Variants in ACRV1 observed in about 807,000 individuals in gnomAD.
ACRV1 encodes the protein acrosomal vesicle protein 1, also known as acrosomal protein SP-10.
A neutral mutation model predicts 29.2 loss-of-function variants in ACRV1; 17 were observed. The observed-to-expected ratio is 0.58, with a 90% CI of 0.40 to 0.87. The LOEUF (loss-of-function observed/expected upper bound fraction) is 0.87. ACRV1 is among the 40% of genes least tolerant of loss of function. ACRV1 has a pLI of 0.00. For missense variants in ACRV1, 294 were observed against 316.0 expected, an observed-to-expected ratio of 0.93 and a Z score of 0.53; for synonymous variants, 98 against 111.6, an observed-to-expected ratio of 0.88 and a Z score of 0.77.
intron 1 of ACRV1, among the ~76,000 whole-genome samples, chr11:125,680,516 CTG>C (rs1432654930): frequency 6.6e-6 from 1 of 152,168 alleles, no homozygotes; most frequent in Non-Finnish European, 1.5e-5. Flanking sequence ...AGAAACCAGA[CTG>C]TGCCAAGCCA....
In ACRV1 at chr11:125,680,791, G is replaced by A. The variant is rs1942763386; in HGVS notation, c.-11C>T. 1 of 1,612,922 alleles carries A rather than the reference G, an allele frequency of 6.2e-7. No homozygotes were observed. Among genetic ancestry groups the A allele is most frequent in the African/African-American group, 1.3e-5 (1 of 74,904 alleles). Reference sequence around the variant, plus strand: ...GAGAAACCTGTTCATCTGGATTTAGGAAAAGAGGGGACCCCAGTGTGGGCC... The same window carrying A: ...GAGAAACCTGTTCATCTGGATTTAGAAAAAGAGGGGACCCCAGTGTGGGCC... On this transcript the variant is annotated 5_prime_UTR_variant, in exon 1 of 4. Coordinates refer to ENST00000533904, the MANE Select transcript of ACRV1 (RefSeq NM_001612.6).
Position 125,679,264 on chromosome 11 carries a change from C to T in ACRV1, c.53-967G>A, listed in dbSNP as rs557206484. On this transcript the variant is annotated intron_variant, in intron 1 of 3. Transcript: ENST00000533904. ...ATAGAGTCTCGCTCTGTTGCCCAGG[C>T]TGGAGTACAGTGGCACAATCTTGGC... is the stretch of plus-strand genomic sequence containing the variant. Among the ~76,000 whole-genome samples the T allele has an allele frequency of 3.0e-5, 4 of 133,504 alleles. No homozygotes were observed. In the East Asian group the frequency reaches 9.0e-4, roughly 30 times the overall value. 87.6% of individuals were successfully genotyped at this position (133,504 alleles called of 152,430 possible).
intron 3 of ACRV1, 37 bp from the exon 4 acceptor site, chr11:125,672,754 T>G (rs770030153): frequency 6.2e-7 from 1 of 1,611,768 alleles, no homozygotes. Context: ...AGCAGAAAGC[T>G]TCGTCCTCCA....
Position 125,672,368 on chromosome 11 carries a change from T to A in ACRV1, c.*225A>T. 3 of 477,228 alleles carry A rather than the reference T, an allele frequency of 6.3e-6. No individual in the cohort carries two copies. Among genetic ancestry groups the A allele is most frequent in the South Asian group, 4.0e-5 (1 of 25,176 alleles). The allele number at this position is 477,228 out of a possible 1,614,324, so 29.6% of individuals were successfully genotyped here. On this transcript the variant is annotated 3_prime_UTR_variant, in exon 4 of 4. Coordinates refer to ENST00000533904, the MANE Select transcript of ACRV1 (RefSeq NM_001612.6). ...CATGTGAAATTTATTGAAAAAAAAA[T>A]CAGGAATATTGAGAGAAAGAGTTGG...
At position 125,671,539 on chromosome 11, in the gene ACRV1, T is replaced by C. The variant is rs140290041; in HGVS notation, c.*1054A>G. 140 of 152,332 alleles carry C rather than the reference T, an allele frequency of 9.2e-4. No individual in the cohort carries two copies. The highest frequency in any genetic ancestry group is 3.3e-3 in the African/African-American group (138 of 41,570). The allele number at this position is 152,332 out of a possible 1,614,324, so 9.4% of individuals were successfully genotyped here. On this transcript the variant is annotated 3_prime_UTR_variant, in exon 4 of 4. Coordinates refer to ENST00000533904, the MANE Select transcript of ACRV1 (RefSeq NM_001612.6). ...GAAGGGGTCATGATGTGTATATATG[T>C]TGAAATTTTAAATTTTATATACAGT...
At position 125,672,389 on chromosome 11, in the gene ACRV1, G is replaced by C; in HGVS notation, c.*204C>G. 1 of 557,330 alleles carries C rather than the reference G, an allele frequency of 1.8e-6. No homozygotes were observed. Among genetic ancestry groups the C allele is most frequent in the South Asian group, 3.1e-5 (1 of 31,924 alleles). 34.5% of individuals were successfully genotyped at this position (557,330 alleles called of 1,614,324 possible). A position where few individuals can be genotyped will look rare whatever the true frequency, so the allele number is the denominator to read the frequency against. On this transcript the variant is annotated 3_prime_UTR_variant, in exon 4 of 4. Transcript: ENST00000533904. ...AAAATCAGGAATATTGAGAGAAAGA[G>C]TTGGAGCAGGGAAGACAGGACAGAG...
chr11:125,678,288 C>A lies in ACRV1; in HGVS notation c.62G>T (p.Ser21Ile). 6.2e-7 allele frequency: 1 copy of A among 1,613,532 alleles called. No homozygotes were observed. Among genetic ancestry groups the A allele is most frequent in the South Asian group, 1.1e-5 (1 of 91,020 alleles). The change falls in exon 2 of 4, where the codon AGT (serine) becomes ATT (isoleucine). Residue 21 changes from serine (S) to isoleucine (I), a missense_variant. Coordinates refer to ENST00000533904, the MANE Select transcript of ACRV1 (RefSeq NM_001612.6). ...GGAGCCAGAAAGCTCATTAGGCTGA[C>A]TTGATGTTCCTGGGATGGAGAAGGA... ...YLLGSARGTS[S>I]QPNELSGSID...
chr11:125,678,997 T>TATATATATATATATATATAG (rs1446760515), intron 1 of ACRV1, among the ~76,000 whole-genome samples: 1 of 142,290 alleles, frequency 7.0e-6, no homozygotes. Flanking sequence ...TATATATATA[T>TATATATATATATATATATAG]AGACACACAC....
chr11:125,680,817 A>T lies in ACRV1; in HGVS notation c.-37T>A. The T allele has an allele frequency of 6.4e-7, 1 of 1,573,274 alleles. No homozygotes were observed. Among genetic ancestry groups the T allele is most frequent in the Non-Finnish European group, 8.7e-7 (1 of 1,144,288 alleles). Reference sequence around the variant, plus strand: ...AAAAGAGGGGACCCCAGTGTGGGCCACAGCTTCTTCACAGAGCTATGAAGC... The same window carrying T: ...AAAAGAGGGGACCCCAGTGTGGGCCTCAGCTTCTTCACAGAGCTATGAAGC... On this transcript the variant is annotated 5_prime_UTR_variant, in exon 1 of 4. Coordinates refer to ENST00000533904, the MANE Select transcript of ACRV1 (RefSeq NM_001612.6).
At chr11:125,676,617 C>A in intron 2 of ACRV1, 139 bp from the exon 3 acceptor site, 1 of 1,111,778 alleles carries the variant, frequency 9.0e-7, no homozygotes, top group Non-Finnish European at 1.3e-6. Context: ...GGGATCTGGG[C>A]CCTGTGTCTG....
chr11:125,680,675 T>G, intron 1 of ACRV1, 54 bp downstream of exon 1: 1 of 1,503,500 alleles, frequency 6.7e-7, no homozygotes, highest in Non-Finnish European at 9.1e-7. Context: ...AGGCCTGAAA[T>G]GTCTTAAGGG....
chr11:125,680,630 G>T lies in ACRV1; in HGVS notation c.52+99C>A, dbSNP rs995351595. The T allele has an allele frequency of 7.3e-6, 8 of 1,102,858 alleles. No homozygotes were observed. In the African/African-American group the frequency reaches 7.9e-5, roughly 11 times the overall value. The allele number at this position is 1,102,858 out of a possible 1,614,324, so 68.3% of individuals were successfully genotyped here. ...CTGCTCTTGATTCTGACTCAGATTG[G>T]TTTGGGTGACTGAGAGACTGGTCTT... On this transcript the variant is annotated intron_variant, in intron 1 of 3. Coordinates refer to ENST00000533904, the MANE Select transcript of ACRV1 (RefSeq NM_001612.6).
chr11:125,673,435 T>C (rs1942312359), intron 3 of ACRV1, among the ~76,000 whole-genome samples: 1 of 151,268 alleles, frequency 6.6e-6, no homozygotes, highest in Admixed American at 6.6e-5. Flanking sequence ...TCTCCTGACC[T>C]TGTGATCCGC....
chr11:125,673,269 A>G (rs932411979), intron 3 of ACRV1, among the ~76,000 whole-genome samples: 11 of 150,860 alleles, frequency 7.3e-5, no homozygotes, highest in African/African-American at 2.4e-4. Context: ...CAGTGGTGCA[A>G]CCTCAGCTCA....
chr11:125,674,868 C>G (rs1565394300), intron 3 of ACRV1, among the ~76,000 whole-genome samples: 1 of 152,206 alleles, frequency 6.6e-6, no homozygotes, highest in Non-Finnish European at 1.5e-5. Flanking sequence ...TCAGCTGGCT[C>G]CAGTCAACCT....
chr11:125,678,978 T>TTATTTATATATATATA (rs1555078665), intron 1 of ACRV1, among the ~76,000 whole-genome samples: 1 of 88,436 alleles, frequency 1.1e-5, no homozygotes, highest in Non-Finnish European at 2.2e-5. Context: ...TCTAGGCATA[T>TTATTTATATATATATA]TATATATATA....
intron 3 of ACRV1, among the ~76,000 whole-genome samples, chr11:125,673,665 T>C (rs1192695754): frequency 6.6e-6 from 1 of 152,184 alleles, no homozygotes; most frequent in African/African-American, 2.4e-5. Flanking sequence ...ATCTAAAACT[T>C]ACTATGCCCA....
At chr11:125,676,226 C>G in intron 3 of ACRV1, 133 bp downstream of exon 3, 1 of 1,230,264 alleles carries the variant, frequency 8.1e-7, no homozygotes, top group Non-Finnish European at 1.1e-6. Flanking sequence ...TGTTCTTAGT[C>G]CTTGAAAAAA....
chr11:125,680,442 C>T lies in ACRV1; in HGVS notation c.52+287G>A, dbSNP rs202016255. ...AAACCTTCATTGGGCTTCTACAGAA[C>T]CCCTAAGCCTACTTTTTCATCTCAT... On this transcript the variant is annotated intron_variant, in intron 1 of 3. Transcript: ENST00000533904. Among the ~76,000 whole-genome samples the T allele has an allele frequency of 2.0e-5, 3 of 152,194 alleles. No individual in the cohort carries two copies. The East Asian group carries it at 5.8e-4, about 29-fold the overall frequency.
Sources: gnomAD v4.1 joint callset for allele counts (sites outside exome capture counted in the v4.1 genomes callset) on GRCh38, gnomAD v4.1.1 for gene constraint, MANE v1.5 for transcripts, NCBI Gene and HGNC (gene_info 2026-07-23, HGNC 2026-07-21) for gene names.